GYG1: variants seen among roughly 807,000 people sequenced by gnomAD.
GYG1 encodes the protein glycogenin 1, also known as glycogenin-1.
A neutral mutation model predicts 41.9 loss-of-function variants in GYG1; 44 were observed. The observed-to-expected ratio is 1.05, with a 90% CI of 0.83 to 1.35. The LOEUF is 1.35. GYG1 is among the 40% of genes most tolerant of loss of function. GYG1 has a pLI of 0.00. For missense variants in GYG1, 429 were observed against 418.9 expected (o/e 1.02, Z -0.21); for synonymous variants, 141 against 158.1 (o/e 0.89, Z 0.81).
At chr3:149,007,221 A>G (rs1229772875) in intron 4 of GYG1, among the ~76,000 whole-genome samples, 2 of 152,226 alleles carry the variant, frequency 1.3e-5, no homozygotes, top group Non-Finnish European at 2.9e-5. Context: ...ATGAGGGCAG[A>G]GCCCTCATGA....
chr3:149,002,297 T>C (rs1051122316), intron 4 of GYG1, among the ~76,000 whole-genome samples: 1 of 152,230 alleles, frequency 6.6e-6, no homozygotes, highest in East Asian at 1.9e-4. Flanking sequence ...TACACAGTTA[T>C]GTAATCATGA....
intron 1 of GYG1, chr3:148,992,797 C>A (rs1028454981): frequency 1.3e-5 from 2 of 152,298 alleles, no homozygotes; most frequent in Non-Finnish European, 2.9e-5. Context: ...AGCTGGTGGC[C>A]CTTCGGGGGT....
chr3:149,019,337 TTG>T (rs1296250074), intron 5 of GYG1, among the ~76,000 whole-genome samples: 1 of 152,152 alleles, frequency 6.6e-6, no homozygotes, highest in African/African-American at 2.4e-5. Flanking sequence ...ACTTTGTGAT[TTG>T]TTTCATTGCA....
intron 5 of GYG1, among the ~76,000 whole-genome samples, chr3:149,019,068 T>C (rs544222220): frequency 5.9e-5 from 7 of 119,092 alleles, no homozygotes; most frequent in African/African-American, 2.2e-4. Flanking sequence ...GACACTGTCT[T>C]AAAAAAAAAA....
In GYG1 at chr3:148,991,657, C is replaced by G. The variant is rs771870422; in HGVS notation, c.7+10C>G. 6.5e-7 allele frequency: 1 copy of G among 1,528,166 alleles called. No homozygotes were observed. 94.7% of individuals were successfully genotyped at this position (1,528,166 alleles called of 1,614,324 possible). On this transcript the variant is annotated intron_variant, in intron 1 of 7. Transcript: ENST00000345003. ...GGCAGCACCATGACAGGTACCGCCG[C>G]GCAGCCCGCCGCCGCCAGCCCCGGG... is the stretch of plus-strand genomic sequence containing the variant.
chr3:149,028,657 A>T lies in GYG1; in HGVS notation c.*1724A>T, dbSNP rs962966125. On this transcript the variant is annotated 3_prime_UTR_variant, in exon 8 of 8. Transcript: ENST00000345003. ...CTACCGTTCATTCTCTATTTTTTAC[A>T]CAGTAGCATAACAAAGCTCTAAGGT... Among the ~76,000 whole-genome samples, 84 of 151,272 alleles carry T rather than the reference A, an allele frequency of 5.6e-4. No individual in the cohort carries two copies. The highest frequency in any genetic ancestry group is 2.0e-3 in the African/African-American group (81 of 41,216).
Position 149,026,884 on chromosome 3 carries a change from C to T in GYG1, c.1004C>T (p.Ala335Val). The change falls in exon 8 of 8, where the codon GCA (alanine) becomes GTA (valine). Residue 335 changes from alanine to valine, a missense_variant. Physicochemically the swap from Ala to Val is moderately conservative, Grantham distance 64. Coordinates refer to ENST00000345003, the MANE Select transcript of GYG1 (RefSeq NM_004130.4). ...WEQGQADYMG[A>V]DSFDNIKRKL... ...CAGGGCCAGGCTGATTATATGGGAG[C>T]AGATTCCTTTGACAACATCAAGAGG... 1.2e-6 allele frequency: 2 copies of T among 1,613,676 alleles called. No homozygotes were observed. The highest frequency in any genetic ancestry group is 2.2e-5 in the South Asian group (2 of 91,062).
intron 6 of GYG1, among the ~76,000 whole-genome samples, chr3:149,026,145 A>G (rs1714639882): frequency 6.6e-6 from 1 of 152,242 alleles, no homozygotes; most frequent in Admixed American, 6.5e-5. Context: ...GGGAATTGAA[A>G]GTTGTTCAAA....
chr3:149,023,945 C>T, intron 5 of GYG1, 108 bp from the exon 6 acceptor site: 1 of 789,352 alleles, frequency 1.3e-6, no homozygotes, highest in East Asian at 2.6e-5. Flanking sequence ...CAGAGTGAGA[C>T]ACTGTCTCTT....
chr3:149,017,911 C>T (rs1394358380), intron 5 of GYG1, among the ~76,000 whole-genome samples: 1 of 151,970 alleles, frequency 6.6e-6, no homozygotes, highest in Non-Finnish European at 1.5e-5. Flanking sequence ...CCACGCCCAG[C>T]CTCTATTTTG....
intron 2 of GYG1, among the ~76,000 whole-genome samples, chr3:148,995,599 G>A (rs939091455): frequency 6.6e-6 from 1 of 152,102 alleles, no homozygotes; most frequent in Admixed American, 6.6e-5. Context: ...AGTTGACTTT[G>A]GTCAGTGATT....
At chr3:148,994,856 T>G (rs1712697619) in intron 2 of GYG1, among the ~76,000 whole-genome samples, 2 of 152,148 alleles carry the variant, frequency 1.3e-5, no homozygotes, top group South Asian at 4.1e-4. Flanking sequence ...TCATGATTGG[T>G]TAGTTCACTT....
In GYG1 at chr3:149,009,422, C is replaced by T. The variant is rs1559839251; in HGVS notation, c.608+20C>T. On this transcript the variant is annotated intron_variant, in intron 5 of 7. Coordinates refer to ENST00000345003, the MANE Select transcript of GYG1 (RefSeq NM_004130.4). ...TAAAGTGTAAGTGCAGATGGTTTAA[C>T]TATTGTTGGAGATGTTGAGGGCAGA... The T allele has an allele frequency of 6.2e-7, 1 of 1,612,332 alleles. No homozygotes were observed. Among genetic ancestry groups the T allele is most frequent in the African/African-American group, 1.3e-5 (1 of 74,950 alleles).
Position 149,024,323 on chromosome 3 carries a change from ATTG to A in GYG1, c.828+56_828+58del, listed in dbSNP as rs530143049. ...TCATTTAATGCTGCTTTTTAAAAAA[ATTG>A]TTGTATCAATAGAGATGTGGAATAT... On this transcript the variant is annotated intron_variant, in intron 6 of 7. Transcript: ENST00000345003. The A allele has an allele frequency of 1.1e-4, 117 of 1,097,556 alleles. 3 individuals are homozygous for A. The South Asian group carries it at 1.4e-3, about 13-fold the overall frequency. The allele number at this position is 1,097,556 out of a possible 1,614,324, so 68.0% of individuals were successfully genotyped here. A position where few individuals can be genotyped will look rare whatever the true frequency, so the allele number is the denominator to read the frequency against.
chr3:149,019,068 TAA>T (rs67695680), intron 5 of GYG1, among the ~76,000 whole-genome samples: 44 of 119,048 alleles, frequency 3.7e-4, no homozygotes, highest in African/African-American at 6.4e-4. Context: ...GACACTGTCT[TAA>T]AAAAAAAAAA....
chr3:148,997,039 C>A (rs999853616), intron 4 of GYG1, 135 bp downstream of exon 4: 4 of 710,074 alleles, frequency 5.6e-6, no homozygotes, highest in South Asian at 1.5e-5. Flanking sequence ...TTAAGTTGTG[C>A]TCTTCTGGGA....
chr3:148,991,973 G>A (rs1298390762), intron 1 of GYG1, among the ~76,000 whole-genome samples: 3 of 152,078 alleles, frequency 2.0e-5, no homozygotes, highest in African/African-American at 7.2e-5. Context: ...GTGTGGGGGT[G>A]GGGAGCCGGT....
chr3:149,028,749 T>TGTCA lies in GYG1; in HGVS notation c.*1825_*1828dup, dbSNP rs1279467445. 6.7e-6 allele frequency among the ~76,000 whole-genome samples: 1 copy of TGTCA among 150,124 alleles called. No individual in the cohort carries two copies. Among genetic ancestry groups the TGTCA allele is most frequent in the South Asian group, 2.1e-4 (1 of 4,690 alleles). Reference sequence around the variant, plus strand: ...TTTTTCTTGAGGCAGAGTCTTGCTCTGTCAGTCAGTCACCAGGCTGGAGTG... The same window carrying TGTCA: ...TTTTTCTTGAGGCAGAGTCTTGCTCTGTCAGTCAGTCAGTCACCAGGCTGGAGTG... On this transcript the variant is annotated 3_prime_UTR_variant, in exon 8 of 8. Coordinates refer to ENST00000345003, the MANE Select transcript of GYG1 (RefSeq NM_004130.4).
intron 4 of GYG1, chr3:149,008,875 G>A (rs1713557327): frequency 4.9e-6 from 1 of 202,580 alleles, no homozygotes; most frequent in Non-Finnish European, 1.0e-5. Flanking sequence ...TCAAAAATGA[G>A]GGCCGGGCGT....
Sources: gnomAD v4.1 joint callset for allele counts (sites outside exome capture counted in the v4.1 genomes callset) on GRCh38, gnomAD v4.1.1 for gene constraint, MANE v1.5 for transcripts, NCBI Gene and HGNC (gene_info 2026-07-23, HGNC 2026-07-21) for gene names.